Variants in ITGA8 observed in about 807,000 individuals in gnomAD.
The protein encoded by ITGA8 is integrin subunit alpha 8.
In ITGA8, 91 loss-of-function variants were observed where a neutral mutation model predicts 142.3. The observed-to-expected ratio is 0.64, with a 90% CI of 0.54 to 0.76. The LOEUF (loss-of-function observed/expected upper bound fraction) is 0.76. Ranked by LOEUF, ITGA8 falls within the 30% of genes least tolerant of loss-of-function variation. The pLI is 0.00. For missense variants in ITGA8, 1,406 were observed against 1,327.7 expected (o/e 1.06, Z -0.92); for synonymous variants, 505 against 485.2 (o/e 1.04, Z -0.54).
chr10:15,569,097 G>A (rs1050599274), intron 25 of ITGA8, among the ~76,000 whole-genome samples: 11 of 152,110 alleles, frequency 7.2e-5, no homozygotes, highest in African/African-American at 2.4e-4. Flanking sequence ...GTGGGAAGTG[G>A]GCAACTTAAG....
At chr10:15,546,866 T>G (rs1833682414) in intron 27 of ITGA8, among the ~76,000 whole-genome samples, 2 of 129,076 alleles carry the variant, frequency 1.5e-5, no homozygotes, top group African/African-American at 4.0e-5. Context: ...GGAAGGGAAA[T>G]GAAGGGAAGG....
chr10:15,597,446 A>G (rs1426499748), intron 20 of ITGA8, 147 bp from the exon 21 acceptor site: 3 of 622,244 alleles, frequency 4.8e-6, no homozygotes, highest in Non-Finnish European at 8.6e-6. Context: ...CCCTTAACTC[A>G]GAAGAGAAAA....
chr10:15,673,839 C>A (rs1273297445), intron 6 of ITGA8, among the ~76,000 whole-genome samples: 3 of 148,784 alleles, frequency 2.0e-5, no homozygotes, highest in Non-Finnish European at 4.4e-5. Flanking sequence ...TCAAAAGTCA[C>A]TGTCAGAAGT....
chr10:15,670,099 C>T (rs968524711), intron 8 of ITGA8, among the ~76,000 whole-genome samples: 10 of 152,186 alleles, frequency 6.6e-5, no homozygotes, highest in Admixed American at 6.6e-5. Context: ...AGCTGTAGAC[C>T]AGAGCTGTTC....
chr10:15,649,294 A>G (rs2131657535), intron 11 of ITGA8, among the ~76,000 whole-genome samples: 1 of 152,076 alleles, frequency 6.6e-6, no homozygotes, highest in African/African-American at 2.4e-5. Flanking sequence ...GTTACAATCA[A>G]TATTACATGT....
At chr10:15,537,930 T>C (rs1833479779) in intron 27 of ITGA8, among the ~76,000 whole-genome samples, 1 of 150,634 alleles carries the variant, frequency 6.6e-6, no homozygotes, top group Non-Finnish European at 1.5e-5. Context: ...CAAGCCTGGG[T>C]AGCACAGTGA....
intron 2 of ITGA8, among the ~76,000 whole-genome samples, chr10:15,700,794 C>A (rs1254979828): frequency 6.6e-6 from 1 of 152,090 alleles, no homozygotes; most frequent in South Asian, 2.1e-4. Flanking sequence ...CTCAGAGACA[C>A]AAGCCCTAAG....
chr10:15,618,673 C>A (rs986639355), intron 13 of ITGA8, among the ~76,000 whole-genome samples: 1 of 152,130 alleles, frequency 6.6e-6, no homozygotes, highest in South Asian at 2.1e-4. Flanking sequence ...GGCAGAGGAA[C>A]GACAAAAGAC....
intron 2 of ITGA8, among the ~76,000 whole-genome samples, chr10:15,701,361 G>A (rs1485481302): frequency 2.0e-5 from 3 of 152,196 alleles, no homozygotes; most frequent in Non-Finnish European, 2.9e-5. Context: ...AAAACCTAAA[G>A]ATAAACTGAA....
intron 27 of ITGA8, 150 bp from the exon 28 acceptor site, chr10:15,531,301 C>T (rs1361582551): frequency 2.3e-6 from 1 of 438,946 alleles, no homozygotes; most frequent in Non-Finnish European, 3.9e-6. Flanking sequence ...TTTTTTTCCT[C>T]CCACCCAAGC....
intron 27 of ITGA8, among the ~76,000 whole-genome samples, chr10:15,535,952 G>T (rs770751057): frequency 6.6e-6 from 1 of 151,862 alleles, no homozygotes; most frequent in Non-Finnish European, 1.5e-5. Flanking sequence ...CCACCGGGAG[G>T]AACGAATAAC....
In ITGA8 at chr10:15,709,614, G is replaced by T. The variant is rs962868391; in HGVS notation, c.343+9152C>A. On this transcript the variant is annotated intron_variant, in intron 2 of 29. Transcript: ENST00000378076. ...GTCTATGGGATTATCTGGACCTATG[G>T]TCACTCTTGATTTCTTTCCTACGGG... 4.6e-5 allele frequency among the ~76,000 whole-genome samples: 7 copies of T among 152,118 alleles called. No individual in the cohort carries two copies. In the East Asian group the frequency reaches 1.3e-3, roughly 29 times the overall value.
intron 23 of ITGA8, 72 bp from the exon 24 acceptor site, chr10:15,575,666 A>G (rs888775031): frequency 1.7e-6 from 2 of 1,181,200 alleles, no homozygotes; most frequent in Non-Finnish European, 2.5e-6. Context: ...TGGACAGTAT[A>G]CTAACAGAAG....
Position 15,672,642 on chromosome 10 carries a change from A to G in ITGA8, c.784T>C (p.Tyr262His). 1 of 1,613,548 alleles carries G rather than the reference A, an allele frequency of 6.2e-7. No individual in the cohort carries two copies. Among genetic ancestry groups the G allele is most frequent in the East Asian group, 2.2e-5 (1 of 44,834 alleles). ...GTCTTACCAAGGTAACTGTCATCAT[A>G]GGAAGCTGGAGCCACTTCCGTCTGC... ...EKQTEVAPAS[Y>H]DDSYLGYSVA... The change falls in exon 7 of 30, where the codon TAT (tyrosine) becomes CAT (histidine). Residue 262 changes from tyrosine to histidine, a missense_variant. Coordinates refer to ENST00000378076, the MANE Select transcript of ITGA8 (RefSeq NM_003638.3).
chr10:15,603,529 A>G (rs550056656), intron 20 of ITGA8, among the ~76,000 whole-genome samples: 34 of 152,314 alleles, frequency 2.2e-4, no homozygotes, highest in African/African-American at 7.7e-4. Context: ...ATGTATTTTT[A>G]ATAGTTTTCT....
intron 27 of ITGA8, among the ~76,000 whole-genome samples, chr10:15,537,956 A>AAAAAAC (rs1554770187): frequency 1.4e-5 from 2 of 145,232 alleles, no homozygotes; most frequent in African/African-American, 2.8e-5. Flanking sequence ...CATCTCTACA[A>AAAAAAC]AAAACAAAAC....
Position 15,531,101 on chromosome 10 carries a change from C to G in ITGA8, c.2931G>C (p.Lys977Asn). The G allele has an allele frequency of 6.3e-7, 1 of 1,583,634 alleles. No homozygotes were observed. Residue 977 changes from lysine to asparagine, a missense_variant, in exon 28 of 30, where the codon AAG (lysine) becomes AAC (asparagine). By Grantham distance (94) the Lys-to-Asn change is moderately conservative. Transcript: ENST00000378076. ...CTGGCTGATCTGTATAAGGCATCTT[C>G]TTAACTTCAAAGGACACCAGGGATG... is the stretch of plus-strand genomic sequence containing the variant. ...ALASLVSFEV[K>N]KMPYTDQPAK...
chr10:15,718,549 C>G (rs1193470709), intron 2 of ITGA8, among the ~76,000 whole-genome samples: 1 of 152,148 alleles, frequency 6.6e-6, no homozygotes, highest in Non-Finnish European at 1.5e-5. Flanking sequence ...CACTCAGGGT[C>G]AAAATAGTGT....
intron 2 of ITGA8, among the ~76,000 whole-genome samples, chr10:15,697,656 T>A (rs191147970): frequency 1.8e-4 from 27 of 152,364 alleles, no homozygotes; most frequent in African/African-American, 6.5e-4. Flanking sequence ...GGGCTTGGGC[T>A]TGGCTGTGTT....
Sources: allele counts gnomAD v4.1 joint callset (sites outside exome capture counted in the v4.1 genomes callset), GRCh38; gene constraint gnomAD v4.1.1; transcripts MANE v1.5; gene names NCBI Gene and HGNC (gene_info 2026-07-23, HGNC 2026-07-21).